The following CAB39L variants were observed in gnomAD, a reference collection of about 807,000 sequenced individuals.
CAB39L encodes the protein calcium binding protein 39 like.
A neutral mutation model predicts 39.1 loss-of-function variants in CAB39L; 23 were observed. The observed-to-expected ratio is 0.59, with a 90% CI of 0.42 to 0.83. CAB39L has a LOEUF of 0.83. Ranked by LOEUF, CAB39L falls within the 40% of genes least tolerant of loss-of-function variation. The pLI is 0.00. For missense variants in CAB39L, 366 were observed against 391.9 expected, an observed-to-expected ratio of 0.93 and a Z score of 0.56; for synonymous variants, 126 against 137.2, an observed-to-expected ratio of 0.92 and a Z score of 0.57.
At chr13:49,438,838 C>T (rs1352329047) in intron 1 of CAB39L, among the ~76,000 whole-genome samples, 4 of 152,190 alleles carry the variant, frequency 2.6e-5, no homozygotes, top group Admixed American at 6.5e-5. Flanking sequence ...TAATGTTAAG[C>T]GTTCTTGAAT....
chr13:49,383,814 TAAAACA>T lies in CAB39L; in HGVS notation c.-31-879_-31-874del, dbSNP rs757850356. 2.4e-3 allele frequency among the ~76,000 whole-genome samples: 362 copies of T among 152,254 alleles called. 3 individuals carry two copies. Among genetic ancestry groups the T allele is most frequent in the Admixed American group, 0.016 (245 of 15,290 alleles). On this transcript the variant is annotated intron_variant, in intron 3 of 10. Coordinates refer to ENST00000409308, the MANE Select transcript of CAB39L (RefSeq NM_001079670.3). ...ATGTACCCTAAAACTTAAAGTATAA[TAAAACA>T]AAAACAAAAGCAAAAACAAAATGAA...
At chr13:49,419,554 G>C (rs1658177135) in intron 3 of CAB39L, among the ~76,000 whole-genome samples, 1 of 152,012 alleles carries the variant, frequency 6.6e-6, no homozygotes, top group African/African-American at 2.4e-5. Context: ...CTGCAGCCTG[G>C]GCAACAGAGA....
intron 5 of CAB39L, among the ~76,000 whole-genome samples, chr13:49,360,843 T>C (rs1359673500): frequency 6.6e-6 from 1 of 152,192 alleles, no homozygotes; most frequent in Non-Finnish European, 1.5e-5. Flanking sequence ...TGAAGGTCTG[T>C]GCCTGCTTCC....
At chr13:49,331,607 C>T (rs1394519391) in intron 10 of CAB39L, among the ~76,000 whole-genome samples, 1 of 152,080 alleles carries the variant, frequency 6.6e-6, no homozygotes, top group Non-Finnish European at 1.5e-5. Context: ...ATTTAAAGTT[C>T]GAAGAGACAG....
intron 5 of CAB39L, among the ~76,000 whole-genome samples, chr13:49,360,353 A>C (rs1036009831): frequency 1.4e-5 from 2 of 139,874 alleles, no homozygotes; most frequent in African/African-American, 5.2e-5. Flanking sequence ...CTTAAAAAAT[A>C]AAGTGGGTTT....
At chr13:49,413,264 A>G (rs545068468) in intron 3 of CAB39L, among the ~76,000 whole-genome samples, 1 of 152,296 alleles carries the variant, frequency 6.6e-6, no homozygotes, top group Admixed American at 6.5e-5. Context: ...AAATATAGAG[A>G]TTACCTAAGT....
Position 49,330,380 on chromosome 13 carries a change from A to G in CAB39L, c.834+1567T>C, listed in dbSNP as rs574207954. Among the ~76,000 whole-genome samples, 7 of 152,246 alleles carry G rather than the reference A, an allele frequency of 4.6e-5. No homozygotes were observed. The South Asian group carries it at 1.5e-3, about 32-fold the overall frequency. ...ACTTGTGTTCATTTACAATCCCAGCACTTAGAGGCTGAGGCAGGAAGATCA... is the reference window on the plus strand; with the variant it reads ...ACTTGTGTTCATTTACAATCCCAGCGCTTAGAGGCTGAGGCAGGAAGATCA... On this transcript the variant is annotated intron_variant, in intron 10 of 10. Coordinates refer to ENST00000409308, the MANE Select transcript of CAB39L (RefSeq NM_001079670.3).
At chr13:49,325,877 G>C (rs1210052049) in intron 10 of CAB39L, among the ~76,000 whole-genome samples, 1 of 152,172 alleles carries the variant, frequency 6.6e-6, no homozygotes. Context: ...AAATTCATCT[G>C]TAATTTTGCT....
At chr13:49,364,214 C>A (rs925605674) in intron 5 of CAB39L, among the ~76,000 whole-genome samples, 1 of 152,202 alleles carries the variant, frequency 6.6e-6, no homozygotes, top group Non-Finnish European at 1.5e-5. Context: ...CATCCCAATA[C>A]AACAATAGCA....
At chr13:49,417,705 G>GA (rs11377238) in intron 3 of CAB39L, among the ~76,000 whole-genome samples, 82,604 of 151,708 alleles carry the variant, frequency 0.54, 22,601 homozygotes, top group South Asian at 0.64. Flanking sequence ...TCTATCAGGG[G>GA]AAGACTGAAA....
intron 10 of CAB39L, among the ~76,000 whole-genome samples, chr13:49,313,663 TC>T (rs1397947207): frequency 1.3e-5 from 2 of 152,046 alleles, no homozygotes; most frequent in Non-Finnish European, 2.9e-5. Flanking sequence ...AAAGACACAC[TC>T]CTTAGTTACT....
chr13:49,344,666 C>G lies in CAB39L; in HGVS notation c.565-428G>C, dbSNP rs186135050. 5.6e-3 allele frequency among the ~76,000 whole-genome samples: 849 copies of G among 152,010 alleles called. 4 individuals carry two copies. Among genetic ancestry groups the G allele is most frequent in the Admixed American group, 0.01 (158 of 15,254 alleles). On this transcript the variant is annotated intron_variant, in intron 7 of 10. Transcript: ENST00000409308. ...CCTCCTGAGTAGCTGGGACTACAGG[C>G]GCCCGCCACCACATCCGGCTTTTTG...
chr13:49,366,888 T>G (rs996107023), intron 5 of CAB39L, among the ~76,000 whole-genome samples: 1 of 151,930 alleles, frequency 6.6e-6, no homozygotes, highest in African/African-American at 2.4e-5. Context: ...TGGTGGTGCA[T>G]GCCTGTAATC....
chr13:49,359,901 T>TATAC (rs2138503409), intron 5 of CAB39L, 69 bp from the exon 6 acceptor site: 14 of 785,414 alleles, frequency 1.8e-5, no homozygotes, highest in Non-Finnish European at 2.4e-5. Flanking sequence ...ATGTGGAATA[T>TATAC]ATACATATAT....
intron 10 of CAB39L, among the ~76,000 whole-genome samples, chr13:49,327,388 C>T (rs1954537430): frequency 6.6e-6 from 1 of 152,052 alleles, no homozygotes; most frequent in Admixed American, 6.6e-5. Context: ...ACTGCAACCT[C>T]TGCTTCCCAG....
chr13:49,310,685 C>T lies in CAB39L; in HGVS notation c.*129G>A. ...CATTCAAATGTTTATACTCCATCTA[C>T]CCAGAACAATTACAGCAGAAAAAAT... On this transcript the variant is annotated 3_prime_UTR_variant, in exon 11 of 11. Coordinates refer to ENST00000409308, the MANE Select transcript of CAB39L (RefSeq NM_001079670.3). The T allele has an allele frequency of 1.2e-6, 1 of 856,846 alleles. No individual in the cohort carries two copies. The highest frequency in any genetic ancestry group is 1.8e-6 in the Non-Finnish European group (1 of 551,716). The allele number at this position is 856,846 out of a possible 1,614,324, so 53.1% of individuals were successfully genotyped here. A position where few individuals can be genotyped will look rare whatever the true frequency, so the allele number is the denominator to read the frequency against.
At chr13:49,436,446 A>C (rs1273917489) in intron 1 of CAB39L, among the ~76,000 whole-genome samples, 1 of 149,958 alleles carries the variant, frequency 6.7e-6, no homozygotes, top group Non-Finnish European at 1.5e-5. Flanking sequence ...TTCTTCATTT[A>C]ATTTTCATTA....
chr13:49,343,888 A>C (rs1955071478), intron 8 of CAB39L, among the ~76,000 whole-genome samples: 1 of 152,150 alleles, frequency 6.6e-6, no homozygotes, highest in Non-Finnish European at 1.5e-5. Context: ...TTCCTTTTGG[A>C]GTTACCTACT....
chr13:49,401,768 AT>A (rs1956777716), intron 3 of CAB39L, among the ~76,000 whole-genome samples: 3 of 152,184 alleles, frequency 2.0e-5, no homozygotes, highest in Admixed American at 2.0e-4. Context: ...TTGTTTAAAA[AT>A]GTAAATAAAG....
Sources: allele counts gnomAD v4.1 joint callset (sites outside exome capture counted in the v4.1 genomes callset), GRCh38; gene constraint gnomAD v4.1.1; transcripts MANE v1.5; gene names NCBI Gene and HGNC (gene_info 2026-07-23, HGNC 2026-07-21).